The following GPC5 variants were observed in gnomAD, a reference collection of about 807,000 sequenced individuals.
GPC5 encodes the protein glypican-5.
Under a neutral mutation model 53.9 loss-of-function variants are expected in GPC5, and 47 were observed. The ratio of observed to expected loss-of-function variants is 0.87; its 90% CI spans 0.69 to 1.11. GPC5 has a LOEUF of 1.11. Among genes scored for constraint, GPC5 ranks in the 50% most tolerant of loss-of-function variants. The pLI, the probability that GPC5 is intolerant of heterozygous loss-of-function variation, is 0.00. For missense variants in GPC5, 748 were observed against 713.1 expected, an observed-to-expected ratio of 1.05 and a Z score of -0.56; for synonymous variants, 286 against 263.3, an observed-to-expected ratio of 1.09 and a Z score of -0.84.
intron 6 of GPC5, among the ~76,000 whole-genome samples, chr13:92,032,301 G>A (rs973305413): frequency 6.6e-6 from 1 of 151,060 alleles, no homozygotes; most frequent in South Asian, 2.1e-4. Flanking sequence ...GGGTGACAGG[G>A]GTTAGGGATA....
At chr13:92,340,008 T>C (rs529714020) in intron 7 of GPC5, 2 of 152,154 alleles carry the variant, frequency 1.3e-5, no homozygotes, top group African/African-American at 4.8e-5. Flanking sequence ...AAAAAACATA[T>C]ATATGAAAAT....
intron 7 of GPC5, among the ~76,000 whole-genome samples, chr13:92,299,182 CT>C (rs1325400209): frequency 1.3e-5 from 2 of 152,078 alleles, no homozygotes; most frequent in African/African-American, 2.4e-5. Flanking sequence ...GCCTCACAGC[CT>C]TTTTTTTCTT....
chr13:91,607,423 C>T (rs2033406694), intron 2 of GPC5, among the ~76,000 whole-genome samples: 1 of 152,120 alleles, frequency 6.6e-6, no homozygotes, highest in South Asian at 2.1e-4. Flanking sequence ...ACGTGCTTGC[C>T]TAATGTGCTT....
intron 6 of GPC5, among the ~76,000 whole-genome samples, chr13:92,006,013 C>T (rs1026398166): frequency 6.6e-6 from 1 of 152,150 alleles, no homozygotes; most frequent in Non-Finnish European, 1.5e-5. Context: ...CTATACTTAG[C>T]ATCTACCCCA....
intron 7 of GPC5, among the ~76,000 whole-genome samples, chr13:92,272,169 A>T (rs2042844191): frequency 6.6e-6 from 1 of 152,188 alleles, no homozygotes; most frequent in Non-Finnish European, 1.5e-5. Context: ...CTTTCATTTA[A>T]AATGCAATTT....
intron 7 of GPC5, among the ~76,000 whole-genome samples, chr13:92,859,806 T>A (rs1879120596): frequency 6.6e-6 from 1 of 152,146 alleles, no homozygotes; most frequent in Non-Finnish European, 1.5e-5. Context: ...TAAAATAATA[T>A]GTTCTTTCAA....
intron 7 of GPC5, among the ~76,000 whole-genome samples, chr13:92,574,865 C>A (rs1883143437): frequency 6.6e-6 from 1 of 152,098 alleles, no homozygotes; most frequent in African/African-American, 2.4e-5. Context: ...GCAAGAAGGT[C>A]AGGAGTAAAG....
chr13:91,710,051 T>C (rs1157861912), intron 3 of GPC5, among the ~76,000 whole-genome samples: 1 of 152,226 alleles, frequency 6.6e-6, no homozygotes, highest in Non-Finnish European at 1.5e-5. Flanking sequence ...CATGCAGTAC[T>C]TCAGCCATTC....
At chr13:92,651,661 T>C (rs562563181) in intron 7 of GPC5, among the ~76,000 whole-genome samples, 10 of 152,316 alleles carry the variant, frequency 6.6e-5, no homozygotes, top group African/African-American at 2.4e-4. Flanking sequence ...CTTCAGTTAA[T>C]AATATATCAA....
intron 7 of GPC5, among the ~76,000 whole-genome samples, chr13:92,470,952 G>C (rs2139421543): frequency 6.6e-6 from 1 of 152,238 alleles, no homozygotes; most frequent in African/African-American, 2.4e-5. Context: ...TAAAATGGAG[G>C]GAGACAGGTT....
At chr13:91,869,483 T>C (rs573489197) in intron 5 of GPC5, among the ~76,000 whole-genome samples, 2 of 152,346 alleles carry the variant, frequency 1.3e-5, no homozygotes, top group South Asian at 2.1e-4. Flanking sequence ...ATAAATTGGG[T>C]ATAACTTTAT....
At chr13:91,967,380 T>C (rs917777402) in intron 6 of GPC5, among the ~76,000 whole-genome samples, 2 of 152,164 alleles carry the variant, frequency 1.3e-5, no homozygotes, top group Non-Finnish European at 2.9e-5. Context: ...TTTTATACTT[T>C]AAAAAATTTG....
At chr13:91,909,897 A>C (rs2039593229) in intron 6 of GPC5, among the ~76,000 whole-genome samples, 1 of 152,082 alleles carries the variant, frequency 6.6e-6, no homozygotes, top group Non-Finnish European at 1.5e-5. Flanking sequence ...GGCAGAGGGA[A>C]GTCATCCTAC....
intron 6 of GPC5, among the ~76,000 whole-genome samples, chr13:92,118,259 T>A (rs915576390): frequency 6.6e-6 from 1 of 152,212 alleles, no homozygotes; most frequent in East Asian, 1.9e-4. Flanking sequence ...GTTATATCTG[T>A]TGAGCTTTGA....
intron 7 of GPC5, among the ~76,000 whole-genome samples, chr13:92,194,388 T>C (rs2139051871): frequency 6.6e-6 from 1 of 152,260 alleles, no homozygotes; most frequent in African/African-American, 2.4e-5. Context: ...CCTAATACCG[T>C]CACTGTGGAC....
chr13:92,629,102 C>A (rs1044628381), intron 7 of GPC5, among the ~76,000 whole-genome samples: 4 of 152,104 alleles, frequency 2.6e-5, no homozygotes, highest in African/African-American at 9.7e-5. Flanking sequence ...ATTGGAACAA[C>A]GAGAAAGATC....
chr13:92,598,102 T>C (rs2139076605), intron 7 of GPC5, among the ~76,000 whole-genome samples: 1 of 152,328 alleles, frequency 6.6e-6, no homozygotes, highest in South Asian at 2.1e-4. Flanking sequence ...GGATGAGTTG[T>C]CATTTCTTCT....
chr13:92,152,870 A>G (rs968709505), intron 7 of GPC5, among the ~76,000 whole-genome samples: 2 of 152,184 alleles, frequency 1.3e-5, no homozygotes, highest in Non-Finnish European at 1.5e-5. Context: ...CAAGAAATAC[A>G]ACATTTCCAT....
intron 3 of GPC5, among the ~76,000 whole-genome samples, chr13:91,721,199 A>G (rs143137549): frequency 1.3e-5 from 2 of 151,130 alleles, no homozygotes; most frequent in Non-Finnish European, 2.9e-5. Flanking sequence ...CAATGGTGCA[A>G]TCTCAGCTCA....
Sources: allele counts gnomAD v4.1 joint callset (sites outside exome capture counted in the v4.1 genomes callset), GRCh38; gene constraint gnomAD v4.1.1; transcripts MANE v1.5; gene names NCBI Gene and HGNC (gene_info 2026-07-23, HGNC 2026-07-21).